Variants in FAN1 observed in about 807,000 individuals in gnomAD.
FAN1 encodes fanconi-associated nuclease 1.
Under a neutral mutation model 104.9 loss-of-function variants are expected in FAN1, and 91 were observed. The ratio of observed to expected loss-of-function variants is 0.87; its 90% confidence interval spans 0.73 to 1.03. The LOEUF (loss-of-function observed/expected upper bound fraction) is 1.03. Among genes scored for constraint, FAN1 ranks in the 50% least tolerant of loss-of-function variants. The pLI is 0.00. For missense variants in FAN1, 1,263 were observed against 1,239.9 expected (o/e 1.02, Z -0.28); for synonymous variants, 478 against 457.6 (o/e 1.04, Z -0.57).
Position 30,905,733 on chromosome 15 carries a change from T to G in FAN1, c.1070T>G (p.Leu357Trp). 1 of 1,614,220 alleles carries G rather than the reference T, an allele frequency of 6.2e-7. No individual in the cohort carries two copies. Among genetic ancestry groups the G allele is most frequent in the Non-Finnish European group, 8.5e-7 (1 of 1,180,028 alleles). Residue 357 changes from leucine (L) to tryptophan (W), a missense_variant, in exon 2 of 15, where the codon TTG becomes TGG. This residue lies in a region of FAN1 where 682 missense variants were observed against 571.1 expected (regional missense o/e 1.19). Coordinates refer to ENST00000362065, the MANE Select transcript of FAN1 (RefSeq NM_014967.5). ...AATGATATCCCTCACAGCATTCCTT[T>G]GGAGCAGGGGTCAAGCTGCAATGGT... is the stretch of plus-strand genomic sequence containing the variant. The part of the protein sequence containing the change: ...LNNDIPHSIP[L>W]EQGSSCNGPG...
intron 14 of FAN1, chr15:30,939,449 C>T (rs915557354): frequency 1.5e-5 from 15 of 985,224 alleles, no homozygotes; most frequent in Middle Eastern, 5.2e-4. Context: ...CACCCTGGCC[C>T]GACTGAAGGC....
Position 30,941,985 on chromosome 15 carries a change from A to C in FAN1, c.*423A>C. The C allele has an allele frequency of 6.2e-7, 1 of 1,613,870 alleles. No homozygotes were observed. Among genetic ancestry groups the C allele is most frequent in the Non-Finnish European group, 8.5e-7 (1 of 1,179,882 alleles). ...TCTGGCTTTGGTTTTAATATCAATG[A>C]ATTTCTCCTTGGAAGTAATTCTTGG... On this transcript the variant is annotated 3_prime_UTR_variant, in exon 15 of 15. Coordinates refer to ENST00000362065, the MANE Select transcript of FAN1 (RefSeq NM_014967.5).
chr15:30,927,067 T>C (rs963483649), intron 10 of FAN1: 2 of 969,008 alleles, frequency 2.1e-6, no homozygotes, highest in Non-Finnish European at 2.5e-6. Context: ...ATCCCAGCAC[T>C]TGGGGAGGCT....
At chr15:30,932,095 GCCTGTAGTC>G (rs1210561144) in intron 13 of FAN1, among the ~76,000 whole-genome samples, 1 of 151,562 alleles carries the variant, frequency 6.6e-6, no homozygotes, top group Non-Finnish European at 1.5e-5. Context: ...GGTGGCGGGC[GCCTGTAGTC>G]CCAGCTACTT....
intron 12 of FAN1, 73 bp from the exon 13 acceptor site, chr15:30,930,470 T>TC: frequency 6.6e-7 from 1 of 1,516,340 alleles, no homozygotes; most frequent in South Asian, 1.3e-5. Flanking sequence ...TTTCTCCGTC[T>TC]CGTGATCCCT....
Position 30,905,043 on chromosome 15 carries a change from C to G in FAN1, c.380C>G (p.Pro127Arg). Residue 127 changes from proline to arginine, a missense_variant, in exon 2 of 15, where the codon CCC becomes CGC. Transcript: ENST00000362065. ...AKREVKQKIS[P>R]YFKSNDVVCK... ...AGGGAAGTAAAGCAGAAGATCAGTC[C>G]CTACTTTAAAAGTAATGATGTGGTG... 1 of 1,613,974 alleles carries G rather than the reference C, an allele frequency of 6.2e-7. No individual in the cohort carries two copies. Among genetic ancestry groups the G allele is most frequent in the Non-Finnish European group, 8.5e-7 (1 of 1,180,000 alleles).
intron 7 of FAN1, 55 bp from the exon 8 acceptor site, chr15:30,922,179 AT>A: frequency 6.3e-7 from 1 of 1,584,502 alleles, no homozygotes. Context: ...TGTAAATATC[AT>A]TGCAGCTGGA....
intron 12 of FAN1, among the ~76,000 whole-genome samples, chr15:30,930,069 T>C (rs1595877854): frequency 6.8e-6 from 1 of 146,990 alleles, no homozygotes. Flanking sequence ...GAGAATACCC[T>C]ATCCCCCTGG....
rs779369446 is a variant in FAN1 at position 30,941,725 on chromosome 15, G to C, written c.*163G>C. ...CACTGCGCTGTTGCCGCAGCATCCTGCTCAGTACGTCGACTTCATCAGCCA... is the reference window on the plus strand; with the variant it reads ...CACTGCGCTGTTGCCGCAGCATCCTCCTCAGTACGTCGACTTCATCAGCCA... On this transcript the variant is annotated 3_prime_UTR_variant, in exon 15 of 15. Coordinates refer to ENST00000362065, the MANE Select transcript of FAN1 (RefSeq NM_014967.5). 3.1e-6 allele frequency: 5 copies of C among 1,613,958 alleles called. No homozygotes were observed. The highest frequency in any genetic ancestry group is 4.2e-6 in the Non-Finnish European group (5 of 1,179,870).
At position 30,930,509 on chromosome 15, in the gene FAN1, G is replaced by T. The variant is rs965823568; in HGVS notation, c.2788-34G>T. 3.8e-6 allele frequency: 6 copies of T among 1,563,666 alleles called. No homozygotes were observed. The African/African-American group carries it at 8.3e-5, about 22-fold the overall frequency. ...GCCTATTTCCATTCTCTGTCACGAG[G>T]GAAGTGGCTAACTGTCCTGTGTTTT... On this transcript the variant is annotated intron_variant, in intron 12 of 14. Transcript: ENST00000362065.
chr15:30,925,308 T>C lies in FAN1; in HGVS notation c.2337+17T>C, dbSNP rs1345976188. 2 of 1,610,118 alleles carry C rather than the reference T, an allele frequency of 1.2e-6. No homozygotes were observed. Among genetic ancestry groups the C allele is most frequent in the Non-Finnish European group, 1.7e-6 (2 of 1,177,572 alleles). On this transcript the variant is annotated intron_variant, in intron 9 of 14. Transcript: ENST00000362065. Reference sequence around the variant, plus strand: ...GTGAAACACGTGAGGAAAGAGCCTGTGGGTGCTTTGGACTTAGGCGCGTGT... The same window carrying C: ...GTGAAACACGTGAGGAAAGAGCCTGCGGGTGCTTTGGACTTAGGCGCGTGT...
At chr15:30,916,700 T>G (rs2062205563) in intron 5 of FAN1, among the ~76,000 whole-genome samples, 1 of 152,208 alleles carries the variant, frequency 6.6e-6, no homozygotes, top group Non-Finnish European at 1.5e-5. Flanking sequence ...ATTCATTCAG[T>G]ACAAATGAGT....
rs201102163 is a variant in FAN1 at position 30,941,883 on chromosome 15, G to C, written c.*321G>C. 9.2e-5 allele frequency: 148 copies of C among 1,614,060 alleles called. No individual in the cohort carries two copies. In the African/African-American group the frequency reaches 1.8e-3, roughly 20 times the overall value. On this transcript the variant is annotated 3_prime_UTR_variant, in exon 15 of 15. Transcript: ENST00000362065. ...ACACGTGGCAGAATAACACCGTGCAGGTTGGCGGGTTTGGAAAACCATTCT... is the reference window on the plus strand; with the variant it reads ...ACACGTGGCAGAATAACACCGTGCACGTTGGCGGGTTTGGAAAACCATTCT...
Position 30,925,940 on chromosome 15 carries a change from G to T in FAN1, c.2488+1G>T. 6.2e-7 allele frequency: 1 copy of T among 1,614,062 alleles called. No homozygotes were observed. Among genetic ancestry groups the T allele is most frequent in the East Asian group, 2.2e-5 (1 of 44,874 alleles). On this transcript the variant is annotated splice_donor_variant, in intron 10 of 14. Coordinates refer to ENST00000362065, the MANE Select transcript of FAN1 (RefSeq NM_014967.5). LOFTEE classifies it high-confidence loss of function. ...TACAGACGCAGCGGTTTTGACCAGGGTAACTGAGCAGGCTTTCTCTTGTGG... is the reference window on the plus strand; with the variant it reads ...TACAGACGCAGCGGTTTTGACCAGGTTAACTGAGCAGGCTTTCTCTTGTGG...
At position 30,929,556 on chromosome 15, in the gene FAN1, ATATTATATCTT is replaced by A. The variant is rs1566929086; in HGVS notation, c.2787+168_2787+178del. On this transcript the variant is annotated intron_variant, in intron 12 of 14. Transcript: ENST00000362065. The stretch of plus-strand genomic sequence containing the variant: ...ATAGTATATATCATATATAAAATAT[ATATTATATCTT>A]TATTATATTTATTATATTATATATT... 9.6e-5 allele frequency among the ~76,000 whole-genome samples: 10 copies of A among 104,358 alleles called. No individual in the cohort carries two copies. In the South Asian group the frequency reaches 2.7e-3, roughly 28 times the overall value. The allele number at this position is 104,358 out of a possible 152,430, so 68.5% of individuals were successfully genotyped here. A position where few individuals can be genotyped will look rare whatever the true frequency, so the allele number is the denominator to read the frequency against.
rs139353520 is a variant in FAN1 at position 30,904,743 on chromosome 15, C to T, written c.80C>T (p.Ser27Phe). The T allele has an allele frequency of 8.2e-5, 132 of 1,612,280 alleles. 1 individual carries two copies. In the African/African-American group the frequency reaches 1.6e-3, roughly 19 times the overall value. The change falls in exon 2 of 15, where the codon TCT becomes TTT. Residue 27 changes from serine to phenylalanine, a missense_variant. Transcript: ENST00000362065. ...ATCAGCAAGAATAAGAAAAAAGCAT[C>T]TAATTCTATTATTTCGTGTTTTAAC... ...LSISKNKKKASNSIISCFNNA... is the reference protein window; with the variant it reads ...LSISKNKKKAFNSIISCFNNA...
In FAN1 at chr15:30,941,120, C is replaced by G. The variant is rs777798776; in HGVS notation, c.*4-446C>G. ...CACGAAACACAAATTTCCTAACTTT[C>G]CTGTTGTCTGCTGCCTGGGGCTGCT... On this transcript the variant is annotated intron_variant, in intron 14 of 14. Transcript: ENST00000362065. 1.5e-4 allele frequency: 183 copies of G among 1,260,848 alleles called. 1 individual carries two copies. Among genetic ancestry groups the G allele is most frequent in the Non-Finnish European group, 1.8e-4 (180 of 979,196 alleles). The allele number at this position is 1,260,848 out of a possible 1,614,324, so 78.1% of individuals were successfully genotyped here.
At chr15:30,934,374 CCT>C (rs1307059779) in intron 13 of FAN1, among the ~76,000 whole-genome samples, 1 of 152,066 alleles carries the variant, frequency 6.6e-6, no homozygotes, top group Admixed American at 6.5e-5. Context: ...TCCAACTTAA[CCT>C]CTGTCTTTTA....
rs1400245592 is a variant in FAN1 at position 30,942,279 on chromosome 15, C to G, written c.*717C>G. On this transcript the variant is annotated 3_prime_UTR_variant, in exon 15 of 15. Coordinates refer to ENST00000362065, the MANE Select transcript of FAN1 (RefSeq NM_014967.5). ...TGTGTTGACTCTACCTAGGCTGTTA[C>G]TATCAGCCTGAATGGGGGCGGGATG... The G allele has an allele frequency of 6.2e-6, 4 of 648,538 alleles. No individual in the cohort carries two copies. The highest frequency in any genetic ancestry group is 2.1e-5 in the South Asian group (1 of 48,630). The allele number at this position is 648,538 out of a possible 1,614,324, so 40.2% of individuals were successfully genotyped here. A position where few individuals can be genotyped will look rare whatever the true frequency, so the allele number is the denominator to read the frequency against.
Sources: gnomAD v4.1 joint callset for allele counts (sites outside exome capture counted in the v4.1 genomes callset) on GRCh38, gnomAD v4.1.1 for gene constraint, gnomAD v4.1.1 regional missense constraint, MANE v1.5 for transcripts, NCBI Gene and HGNC (gene_info 2026-07-23, HGNC 2026-07-21) for gene names.